Variants in ZNF346 observed in about 807,000 individuals in gnomAD.
ZNF346 encodes the protein zinc finger protein 346.
In ZNF346, 23 loss-of-function variants were observed where a neutral mutation model predicts 33.7. That is an observed-to-expected ratio of 0.68 (90% CI 0.49 to 0.97). The LOEUF (loss-of-function observed/expected upper bound fraction) is 0.97, where lower values mean the gene tolerates loss of function less well. ZNF346 is among the 50% of genes least tolerant of loss of function. ZNF346 has a pLI of 0.00. For synonymous variants in ZNF346, 134 were observed against 142.4 expected, an observed-to-expected ratio of 0.94 and a Z score of 0.42; for missense variants, 340 against 371.1, an observed-to-expected ratio of 0.92 and a Z score of 0.69.
chr5:177,044,418 G>A lies in ZNF346; in HGVS notation c.402G>A (p.Gln134=). The change falls in exon 4 of 7, where the codon CAG becomes CAA. Residue 134 remains glutamine (Q), a synonymous_variant. Coordinates refer to ENST00000358149, the MANE Select transcript of ZNF346 (RefSeq NM_012279.4). ...QKSSRSKDKN[Q]CCPICNMTFS... The stretch of plus-strand genomic sequence containing the variant: ...GCAGCAGAAGCAAAGACAAGAACCA[G>A]TGCTGCCCCATCTGTAACATGACCT... 6.2e-7 allele frequency: 1 copy of A among 1,614,120 alleles called. No homozygotes were observed. Among genetic ancestry groups the A allele is most frequent in the East Asian group, 2.2e-5 (1 of 44,880 alleles).
At chr5:177,025,477 C>G (rs1239973696) in intron 1 of ZNF346, among the ~76,000 whole-genome samples, 1 of 152,144 alleles carries the variant, frequency 6.6e-6, no homozygotes, top group African/African-American at 2.4e-5. Context: ...AACTGCCAAA[C>G]TGTTTTCCAA....
At chr5:177,080,716 G>T (rs1286986729) in exon 9 of ZNF346, 2 of 152,326 alleles carry the variant, frequency 1.3e-5, no homozygotes, top group Non-Finnish European at 2.9e-5. Context: ...GCTGAGGCAG[G>T]AGAATCACTT....
chr5:177,051,471 A>G (rs1018449087), intron 5 of ZNF346, among the ~76,000 whole-genome samples: 9 of 149,416 alleles, frequency 6.0e-5, no homozygotes, highest in East Asian at 2.0e-4. Flanking sequence ...CACCGCGCCC[A>G]GCCCTCTTTC....
chr5:177,025,485 C>CA (rs952347930), intron 1 of ZNF346, among the ~76,000 whole-genome samples: 1 of 152,112 alleles, frequency 6.6e-6, no homozygotes, highest in African/African-American at 2.4e-5. Context: ...AACTGTTTTC[C>CA]AAAATGGCTT....
intron 1 of ZNF346, among the ~76,000 whole-genome samples, chr5:177,040,596 C>A (rs565334973): frequency 1.3e-5 from 2 of 152,164 alleles, no homozygotes; most frequent in Admixed American, 6.5e-5. Flanking sequence ...CTGCCCACCT[C>A]GGCCTCCCAA....
intron 1 of ZNF346, 188 bp downstream of exon 1, chr5:177,023,101 A>C (rs1776092413): frequency 2.7e-6 from 4 of 1,458,968 alleles, no homozygotes; most frequent in Non-Finnish European, 3.7e-6. Context: ...GCTGAGGGTG[A>C]AGGGCCGCTC....
At chr5:177,032,967 A>G (rs1484308800) in intron 1 of ZNF346, among the ~76,000 whole-genome samples, 1 of 152,198 alleles carries the variant, frequency 6.6e-6, no homozygotes, top group African/African-American at 2.4e-5. Context: ...ACTTAATAGG[A>G]CCGTCTTGTT....
chr5:177,024,721 G>A (rs959402573), intron 1 of ZNF346, among the ~76,000 whole-genome samples: 3 of 152,182 alleles, frequency 2.0e-5, no homozygotes, highest in Admixed American at 2.0e-4. Context: ...GCAGTGCTGA[G>A]GAATGTTTTA....
At chr5:177,028,077 C>T (rs527897983) in intron 1 of ZNF346, among the ~76,000 whole-genome samples, 4 of 63,120 alleles carry the variant, frequency 6.3e-5, no homozygotes, top group Admixed American at 2.7e-4. Flanking sequence ...TTTTTTGAGA[C>T]GGGGTCTTGC....
At chr5:177,048,229 C>G (rs1184579983) in intron 4 of ZNF346, among the ~76,000 whole-genome samples, 1 of 152,158 alleles carries the variant, frequency 6.6e-6, no homozygotes, top group Non-Finnish European at 1.5e-5. Flanking sequence ...CTTACACTTT[C>G]ACTTCTGATG....
At chr5:177,025,741 G>A (rs1776669473) in intron 1 of ZNF346, among the ~76,000 whole-genome samples, 1 of 152,118 alleles carries the variant, frequency 6.6e-6, no homozygotes, top group Non-Finnish European at 1.5e-5. Flanking sequence ...CTACTGAGTT[G>A]TAAGAGTTAT....
chr5:177,075,228 G>A lies in ZNF346; in HGVS notation c.*3-4154G>A, dbSNP rs151334303. ...AGCCTGGACAACATGGTGAAACCCC[G>A]TCTCTATTAAAAATACAAAAAAAAA... On this transcript the variant is annotated intron_variant, in intron 8 of 8. Transcript: ENST00000503039. Among the ~76,000 whole-genome samples, 1,265 of 149,342 alleles carry A rather than the reference G, an allele frequency of 8.5e-3. 18 individuals carry two copies. The highest frequency in any genetic ancestry group is 0.03 in the African/African-American group (1,208 of 40,532).
chr5:177,070,859 G>A (rs561079846), downstream of ZNF346, among the ~76,000 whole-genome samples: 8 of 152,150 alleles, frequency 5.3e-5, no homozygotes, highest in Non-Finnish European at 7.3e-5. Flanking sequence ...TCCACTACTG[G>A]GGAGCCCCTG....
At chr5:177,055,074 C>T (rs1459063906) in intron 5 of ZNF346, among the ~76,000 whole-genome samples, 2 of 146,836 alleles carry the variant, frequency 1.4e-5, no homozygotes, top group Non-Finnish European at 1.5e-5. Context: ...CATTCTGTCA[C>T]TCAGGCTGGA....
Position 177,067,227 on chromosome 5 carries a change from A to G in ZNF346, c.*2628A>G, listed in dbSNP as rs1317598639. Among the ~76,000 whole-genome samples the G allele has an allele frequency of 1.3e-5, 2 of 152,216 alleles. No homozygotes were observed. The highest frequency in any genetic ancestry group is 2.9e-5 in the Non-Finnish European group (2 of 68,048). Reference sequence around the variant, plus strand: ...CACTGTACTCCAGCCTGGACAACAGAGCAAGACCCTGTCTCTAAAAATAAT... The same window carrying G: ...CACTGTACTCCAGCCTGGACAACAGGGCAAGACCCTGTCTCTAAAAATAAT... On this transcript the variant is annotated 3_prime_UTR_variant, in exon 7 of 7. Coordinates refer to ENST00000358149, the MANE Select transcript of ZNF346 (RefSeq NM_012279.4).
At chr5:177,057,226 G>A (rs6895408) in intron 5 of ZNF346, among the ~76,000 whole-genome samples, 19,656 of 151,964 alleles carry the variant, frequency 0.13, 2,970 homozygotes, top group African/African-American at 0.37. Context: ...CCCGGGAGGC[G>A]GCGGTTGCAG....
chr5:177,029,732 G>A (rs1211917692), intron 1 of ZNF346, among the ~76,000 whole-genome samples: 1 of 152,186 alleles, frequency 6.6e-6, no homozygotes, highest in East Asian at 1.9e-4. Context: ...CGCTTGCTGG[G>A]TCTTGCGTGT....
At chr5:177,035,976 C>G (rs1187333367) in intron 1 of ZNF346, among the ~76,000 whole-genome samples, 1 of 150,674 alleles carries the variant, frequency 6.6e-6, no homozygotes, top group African/African-American at 2.4e-5. Flanking sequence ...TTTTTTTTCC[C>G]TCTGTGGGCC....
intron 8 of ZNF346, among the ~76,000 whole-genome samples, chr5:177,074,431 C>T (rs535547325): frequency 7.9e-5 from 12 of 152,244 alleles, no homozygotes; most frequent in African/African-American, 2.9e-4. Flanking sequence ...GAGAAGAAGA[C>T]AGAAGAGAGA....
Sources: gnomAD v4.1 joint callset for allele counts (sites outside exome capture counted in the v4.1 genomes callset) on GRCh38, gnomAD v4.1.1 for gene constraint, MANE v1.5 for transcripts, NCBI Gene and HGNC (gene_info 2026-07-23, HGNC 2026-07-21) for gene names.